Variants in SCFD2 observed in about 807,000 individuals in gnomAD.
SCFD2 encodes sec1 family domain-containing protein 2.
Under a neutral mutation model 58.9 loss-of-function variants are expected in SCFD2, and 54 were observed. That is an observed-to-expected ratio of 0.92 (90% CI 0.74 to 1.15). The LOEUF is 1.15. Ranked by LOEUF, SCFD2 falls within the 50% of genes most tolerant of loss-of-function variation. The pLI is 0.00. For missense variants in SCFD2, 805 were observed against 836.6 expected (o/e 0.96, Z 0.47); for synonymous variants, 321 against 335.9 (o/e 0.96, Z 0.49).
intron 6 of SCFD2, among the ~76,000 whole-genome samples, chr4:52,919,009 A>G (rs1719671984): frequency 6.6e-6 from 1 of 152,134 alleles, no homozygotes; most frequent in Non-Finnish European, 1.5e-5. Flanking sequence ...GTTATTGACT[A>G]TTGTAAGGGG....
intron 5 of SCFD2, among the ~76,000 whole-genome samples, chr4:53,083,907 G>T (rs1291490204): frequency 6.6e-6 from 1 of 152,116 alleles, no homozygotes; most frequent in African/African-American, 2.4e-5. Flanking sequence ...ATGCTTCTCA[G>T]GGAACAGGAC....
chr4:53,016,737 T>A (rs1343843780), intron 5 of SCFD2, among the ~76,000 whole-genome samples: 2 of 152,200 alleles, frequency 1.3e-5, no homozygotes, highest in African/African-American at 4.8e-5. Flanking sequence ...TTGTAGGGAT[T>A]TTTTTAAAAA....
chr4:52,998,735 C>T (rs74471498), intron 5 of SCFD2, among the ~76,000 whole-genome samples: 2 of 151,988 alleles, frequency 1.3e-5, no homozygotes, highest in African/African-American at 4.8e-5. Context: ...TTACTCCTGA[C>T]TCTGCAAAAA....
At chr4:52,898,789 A>T (rs1719096944) in intron 7 of SCFD2, among the ~76,000 whole-genome samples, 1 of 152,134 alleles carries the variant, frequency 6.6e-6, no homozygotes, top group African/African-American at 2.4e-5. Flanking sequence ...TGGGAGTCTA[A>T]GTCTCTTTGT....
At chr4:53,313,488 G>T in intron 3 of SCFD2, 148 bp downstream of exon 3, 1 of 805,650 alleles carries the variant, frequency 1.2e-6, no homozygotes, top group Non-Finnish European at 2.0e-6. Flanking sequence ...AGGGCAGCGT[G>T]CACATATTCC....
chr4:52,962,491 T>C (rs969690424), intron 5 of SCFD2, among the ~76,000 whole-genome samples: 4 of 152,114 alleles, frequency 2.6e-5, no homozygotes, highest in Non-Finnish European at 5.9e-5. Flanking sequence ...CGTCTGTAGG[T>C]TGTAGTATTT....
chr4:53,182,884 C>CA (rs1727619789), intron 4 of SCFD2, among the ~76,000 whole-genome samples: 4 of 152,002 alleles, frequency 2.6e-5, no homozygotes, highest in South Asian at 2.1e-4. Context: ...TTAATGCAGC[C>CA]AAAAAACACA....
At chr4:53,181,973 C>A (rs1727576615) in intron 4 of SCFD2, among the ~76,000 whole-genome samples, 1 of 152,142 alleles carries the variant, frequency 6.6e-6, no homozygotes, top group Non-Finnish European at 1.5e-5. Flanking sequence ...TTAAGGAGAA[C>A]TACAAACCAC....
intron 4 of SCFD2, among the ~76,000 whole-genome samples, chr4:53,207,548 ATATT>A (rs1246662232): frequency 5.8e-5 from 1 of 17,180 alleles, no homozygotes; most frequent in Non-Finnish European, 9.9e-5. Context: ...TATATATATA[ATATT>A]TATATATAAT....
intron 5 of SCFD2, among the ~76,000 whole-genome samples, chr4:53,021,264 T>C (rs1263598718): frequency 6.6e-6 from 1 of 152,164 alleles, no homozygotes; most frequent in Non-Finnish European, 1.5e-5. Flanking sequence ...AACACAAAAT[T>C]GCAATTGTTT....
At chr4:53,304,488 T>C (rs1194490051) in intron 3 of SCFD2, among the ~76,000 whole-genome samples, 1 of 152,068 alleles carries the variant, frequency 6.6e-6, no homozygotes, top group African/African-American at 2.4e-5. Context: ...TTTGCTCTTT[T>C]TGTATAGTGC....
At position 52,887,896 on chromosome 4, in the gene SCFD2, C is replaced by CTTTT. The variant is rs71195133; in HGVS notation, c.1843-2034_1843-2031dup. ...TATACCCACGTCTCAACATCTTATTCTTTTTTTTTTTTTTTTTTTTTTTTT... is the reference window on the plus strand; with the variant it reads ...TATACCCACGTCTCAACATCTTATTCTTTTTTTTTTTTTTTTTTTTTTTTTTTTT... On this transcript the variant is annotated intron_variant, in intron 7 of 8. Transcript: ENST00000401642. Among the ~76,000 whole-genome samples, 181 of 81,676 alleles carry CTTTT rather than the reference C, an allele frequency of 2.2e-3. 2 individuals are homozygous for CTTTT. Among genetic ancestry groups the CTTTT allele is most frequent in the African/African-American group, 4.1e-3 (82 of 20,066 alleles). 53.6% of individuals were successfully genotyped at this position (81,676 alleles called of 152,430 possible).
At chr4:53,135,474 G>T (rs149272241) in intron 5 of SCFD2, among the ~76,000 whole-genome samples, 1 of 152,160 alleles carries the variant, frequency 6.6e-6, no homozygotes. Context: ...GGTGGCTCAC[G>T]CCTATAATCC....
At chr4:52,930,448 G>T (rs1172475887) in intron 5 of SCFD2, among the ~76,000 whole-genome samples, 1 of 152,106 alleles carries the variant, frequency 6.6e-6, no homozygotes, top group Non-Finnish European at 1.5e-5. Context: ...ACATAGGCAT[G>T]GGCAAAGATT....
intron 5 of SCFD2, among the ~76,000 whole-genome samples, chr4:52,937,129 T>C (rs1201567688): frequency 2.0e-5 from 3 of 152,266 alleles, no homozygotes; most frequent in African/African-American, 4.8e-5. Flanking sequence ...GTTTGCATTT[T>C]AGCAGACACT....
At chr4:53,169,878 G>T (rs1727125903) in intron 4 of SCFD2, among the ~76,000 whole-genome samples, 2 of 152,012 alleles carry the variant, frequency 1.3e-5, no homozygotes, top group Non-Finnish European at 2.9e-5. Context: ...TTCGTTAATT[G>T]GATTGTTTCT....
intron 5 of SCFD2, among the ~76,000 whole-genome samples, chr4:53,131,787 C>T (rs114950281): frequency 0.012 from 1,846 of 152,292 alleles, 14 homozygotes; most frequent in Middle Eastern, 0.048. Context: ...TGATCCATAG[C>T]TTTGTGTTCA....
In SCFD2 at chr4:52,942,167, A is replaced by C. The variant is rs377185819; in HGVS notation, c.1562-21297T>G. Among the ~76,000 whole-genome samples the C allele has an allele frequency of 4.6e-5, 7 of 152,314 alleles. No individual in the cohort carries two copies. The South Asian group carries it at 8.3e-4, about 18-fold the overall frequency. On this transcript the variant is annotated intron_variant, in intron 5 of 8. Coordinates refer to ENST00000401642, the MANE Select transcript of SCFD2 (RefSeq NM_152540.4). Reference sequence around the variant, plus strand: ...ACAGAAAGTGGAGGAAAAGAACTAAAATCTTGACTCTAGATGGTAGAAAGT... The same window carrying C: ...ACAGAAAGTGGAGGAAAAGAACTAACATCTTGACTCTAGATGGTAGAAAGT...
intron 5 of SCFD2, among the ~76,000 whole-genome samples, chr4:52,976,525 G>C (rs1472389601): frequency 6.6e-6 from 1 of 152,148 alleles, no homozygotes; most frequent in East Asian, 1.9e-4. Flanking sequence ...AATTCTGGTG[G>C]AGAGGAAGGG....
Sources: gnomAD v4.1 joint callset for allele counts (sites outside exome capture counted in the v4.1 genomes callset) on GRCh38, gnomAD v4.1.1 for gene constraint, MANE v1.5 for transcripts, NCBI Gene and HGNC (gene_info 2026-07-23, HGNC 2026-07-21) for gene names.